NELL1: variants seen among roughly 807,000 people sequenced by gnomAD.
NELL1 encodes the protein neural EGFL like 1, also known as protein kinase C-binding protein NELL1.
Under a neutral mutation model 107.4 loss-of-function variants are expected in NELL1, and 76 were observed. That is an observed-to-expected ratio of 0.71 (90% confidence interval 0.59 to 0.86). The LOEUF is 0.86. Ranked by LOEUF, NELL1 falls within the 40% of genes least tolerant of loss-of-function variation. The pLI is 0.00. For missense variants in NELL1, 1,024 were observed against 1,005.5 expected, an observed-to-expected ratio of 1.02 and a Z score of -0.25; for synonymous variants, 353 against 341.2, an observed-to-expected ratio of 1.03 and a Z score of -0.38.
At chr11:20,822,442 G>A (rs378575) in intron 3 of NELL1, among the ~76,000 whole-genome samples, 23,270 of 152,194 alleles carry the variant, frequency 0.15, 2,523 homozygotes, top group East Asian at 0.35. Flanking sequence ...TTGAATGAAT[G>A]CGACAAACTT....
intron 10 of NELL1, among the ~76,000 whole-genome samples, chr11:20,944,813 G>A (rs182252882): frequency 3.3e-4 from 50 of 152,186 alleles, no homozygotes; most frequent in Non-Finnish European, 6.5e-4. Context: ...AAATATTTGG[G>A]ATTATGATCT....
At position 21,265,216 on chromosome 11, in the gene NELL1, C is replaced by G. The variant is rs73453926; in HGVS notation, c.1549+35762C>G. ...ATTTCAGCCAAAAACCAAAAAAATTCAGCATGAATAATGTGAACTATTCAC... is the reference window on the plus strand; with the variant it reads ...ATTTCAGCCAAAAACCAAAAAAATTGAGCATGAATAATGTGAACTATTCAC... On this transcript the variant is annotated intron_variant, in intron 14 of 19. Coordinates refer to ENST00000357134, the MANE Select transcript of NELL1 (RefSeq NM_006157.5). 3.9e-3 allele frequency among the ~76,000 whole-genome samples: 587 copies of G among 152,080 alleles called. 5 individuals are homozygous for G. The highest frequency in any genetic ancestry group is 0.014 in the African/African-American group (567 of 41,532).
At chr11:21,405,349 T>C (rs1198683713) in intron 15 of NELL1, among the ~76,000 whole-genome samples, 1 of 151,604 alleles carries the variant, frequency 6.6e-6, no homozygotes, top group Non-Finnish European at 1.5e-5. Flanking sequence ...TTGGTTCATC[T>C]GTTTTGCAGT....
chr11:20,890,267 G>C (rs1336463909), intron 5 of NELL1, among the ~76,000 whole-genome samples: 3 of 152,090 alleles, frequency 2.0e-5, no homozygotes, highest in African/African-American at 7.2e-5. Flanking sequence ...ACAGAAGAGA[G>C]ACCTGACTAT....
chr11:21,178,593 C>T (rs1856759113), intron 13 of NELL1, among the ~76,000 whole-genome samples: 1 of 151,242 alleles, frequency 6.6e-6, no homozygotes, highest in Non-Finnish European at 1.5e-5. Context: ...ATAGTGAAAC[C>T]TCATCTCTAC....
At chr11:21,290,151 C>T (rs1350199092) in intron 14 of NELL1, among the ~76,000 whole-genome samples, 10 of 152,098 alleles carry the variant, frequency 6.6e-5, no homozygotes, top group African/African-American at 2.2e-4. Context: ...GGGCGGATCA[C>T]GAGGTCAGGA....
chr11:21,207,891 C>A (rs976700454), intron 13 of NELL1, among the ~76,000 whole-genome samples: 5 of 151,988 alleles, frequency 3.3e-5, no homozygotes, highest in Admixed American at 3.3e-4. Context: ...CATTTTCTTT[C>A]TTTTTTTAAA....
chr11:21,406,054 A>C (rs1852227092), intron 15 of NELL1, among the ~76,000 whole-genome samples: 1 of 152,018 alleles, frequency 6.6e-6, no homozygotes, highest in Non-Finnish European at 1.5e-5. Flanking sequence ...AACAGAGTGG[A>C]TTCCAGACAA....
At position 20,791,338 on chromosome 11, in the gene NELL1, T is replaced by G. The variant is rs1372189618; in HGVS notation, c.335+7508T>G. ...CTAGGTGTATTTTTTTATGCTATCA[T>G]ACATGGAATAATTTTCTTAATTTCA... is the stretch of plus-strand genomic sequence containing the variant. On this transcript the variant is annotated intron_variant, in intron 3 of 19. Coordinates refer to ENST00000357134, the MANE Select transcript of NELL1 (RefSeq NM_006157.5). Among the ~76,000 whole-genome samples, 4 of 152,360 alleles carry G rather than the reference T, an allele frequency of 2.6e-5. No individual in the cohort carries two copies. The East Asian group carries it at 7.7e-4, about 29-fold the overall frequency.
chr11:21,415,860 C>A (rs1852507110), intron 15 of NELL1, among the ~76,000 whole-genome samples: 1 of 152,008 alleles, frequency 6.6e-6, no homozygotes, highest in South Asian at 2.1e-4. Flanking sequence ...CTTTAATTGT[C>A]ATTAATTAGG....
At chr11:21,460,748 C>T (rs1055681702) in intron 15 of NELL1, among the ~76,000 whole-genome samples, 1 of 152,080 alleles carries the variant, frequency 6.6e-6, no homozygotes, top group Non-Finnish European at 1.5e-5. Flanking sequence ...CTATTTTCTG[C>T]TCCAATAACT....
chr11:21,289,590 G>A (rs1216457328), intron 14 of NELL1, among the ~76,000 whole-genome samples: 1 of 152,204 alleles, frequency 6.6e-6, no homozygotes, highest in African/African-American at 2.4e-5. Context: ...GTGGCAGTTT[G>A]GGCAGACAGG....
chr11:21,142,096 A>T (rs1855881915), intron 13 of NELL1, among the ~76,000 whole-genome samples: 1 of 152,094 alleles, frequency 6.6e-6, no homozygotes, highest in Non-Finnish European at 1.5e-5. Flanking sequence ...CTCTCCTATC[A>T]ATCTTGAGTA....
chr11:21,238,614 A>G (rs1055489769), intron 14 of NELL1, among the ~76,000 whole-genome samples: 1 of 152,004 alleles, frequency 6.6e-6, no homozygotes. Context: ...GTAGTCTTGA[A>G]ATGAAAATGG....
At chr11:21,429,119 A>G (rs1192151595) in intron 15 of NELL1, among the ~76,000 whole-genome samples, 2 of 152,188 alleles carry the variant, frequency 1.3e-5, no homozygotes, top group African/African-American at 2.4e-5. Flanking sequence ...CACTAATGTG[A>G]ATTCTACATT....
chr11:20,869,735 C>T (rs756328708), intron 4 of NELL1, among the ~76,000 whole-genome samples: 12 of 152,110 alleles, frequency 7.9e-5, no homozygotes, highest in Non-Finnish European at 1.8e-4. Flanking sequence ...AAGGTAAGTA[C>T]CAGGTATGGT....
At chr11:20,674,630 C>A in intron 1 of NELL1, 1 of 1,043,792 alleles carries the variant, frequency 9.6e-7, no homozygotes, top group Non-Finnish European at 1.4e-6. Flanking sequence ...TAAATGAATG[C>A]TTTTCTTAAG....
chr11:20,719,485 C>A (rs1181165038), intron 2 of NELL1, among the ~76,000 whole-genome samples: 1 of 152,054 alleles, frequency 6.6e-6, no homozygotes, highest in Non-Finnish European at 1.5e-5. Context: ...GGAGGATACA[C>A]AATAGTTACT....
At chr11:20,937,953 C>CCTATCCAGGCCAA in intron 10 of NELL1, 94 bp downstream of exon 10, 1 of 1,184,986 alleles carries the variant, frequency 8.4e-7, no homozygotes, top group Non-Finnish European at 1.3e-6. Context: ...GCATATTGGC[C>CCTATCCAGGCCAA]TGGATAGGGC....
Sources: allele counts gnomAD v4.1 joint callset (sites outside exome capture counted in the v4.1 genomes callset), GRCh38; gene constraint gnomAD v4.1.1; transcripts MANE v1.5; gene names NCBI Gene and HGNC (gene_info 2026-07-23, HGNC 2026-07-21).